Variants in LDAH observed in about 807,000 individuals in gnomAD.
LDAH encodes lipid droplet associated hydrolase, also known as lipid droplet-associated hydrolase.
LDAH carries 26 observed loss-of-function variants against 29.6 expected under a neutral mutation model. The observed-to-expected ratio is 0.88, with a 90% CI of 0.64 to 1.22. LDAH has a LOEUF of 1.22. LDAH is among the 50% of genes most tolerant of loss of function. The pLI is 0.00. For missense variants in LDAH, 344 were observed against 387.3 expected (o/e 0.89, Z 0.94); for synonymous variants, 117 against 133.0 (o/e 0.88, Z 0.83).
intron 4 of LDAH, among the ~76,000 whole-genome samples, chr2:20,753,759 C>G (rs1298090574): frequency 6.6e-6 from 1 of 152,190 alleles, no homozygotes; most frequent in Non-Finnish European, 1.5e-5. Flanking sequence ...CCCTAGATAG[C>G]CATGTGGCTA....
intron 5 of LDAH, among the ~76,000 whole-genome samples, chr2:20,730,294 T>C (rs534546338): frequency 1.3e-5 from 2 of 152,198 alleles, no homozygotes; most frequent in Non-Finnish European, 2.9e-5. Context: ...GGTTTTTCTC[T>C]GAACACCAGT....
intron 4 of LDAH, among the ~76,000 whole-genome samples, chr2:20,755,456 A>T (rs1320417759): frequency 6.6e-6 from 1 of 152,142 alleles, no homozygotes; most frequent in African/African-American, 2.4e-5. Flanking sequence ...TCCTTAGTAA[A>T]CTGTAAATTC....
At chr2:20,693,507 G>A (rs763228238) in intron 6 of LDAH, among the ~76,000 whole-genome samples, 12 of 152,218 alleles carry the variant, frequency 7.9e-5, no homozygotes, top group Non-Finnish European at 1.3e-4. Context: ...AAGACAGGTG[G>A]GGTAGAAGAT....
In LDAH at chr2:20,685,899, A is replaced by T. The variant is rs1662526440; in HGVS notation, c.*1004T>A. ...GCAAATGAAGTTAATGCAGAAATGG[A>T]GAGTTAATGTATGGCAATGTTTTAC... On this transcript the variant is annotated 3_prime_UTR_variant, in exon 7 of 7. Transcript: ENST00000237822. 4 of 427,506 alleles carry T rather than the reference A, an allele frequency of 9.4e-6. No homozygotes were observed. Among genetic ancestry groups the T allele is most frequent in the Non-Finnish European group, 1.6e-5 (4 of 244,422 alleles). 26.5% of individuals were successfully genotyped at this position (427,506 alleles called of 1,614,324 possible).
At chr2:20,782,717 C>G (rs573510981) in intron 3 of LDAH, among the ~76,000 whole-genome samples, 2 of 152,100 alleles carry the variant, frequency 1.3e-5, no homozygotes, top group African/African-American at 2.4e-5. Flanking sequence ...CTTTCTCCCC[C>G]CTTGGTTAGC....
intron 1 of LDAH, among the ~76,000 whole-genome samples, chr2:20,808,228 G>C (rs1672212788): frequency 6.6e-6 from 1 of 152,194 alleles, no homozygotes; most frequent in Non-Finnish European, 1.5e-5. Flanking sequence ...TGAACTGGAA[G>C]TCTCACTAGT....
chr2:20,708,344 A>G (rs759409245), intron 5 of LDAH, among the ~76,000 whole-genome samples: 7 of 152,244 alleles, frequency 4.6e-5, no homozygotes, highest in Non-Finnish European at 1.0e-4. Context: ...GTACCAACTA[A>G]CAGCCTAGAA....
intron 1 of LDAH, among the ~76,000 whole-genome samples, chr2:20,804,961 G>A (rs1435577481): frequency 6.6e-6 from 1 of 152,082 alleles, no homozygotes; most frequent in Admixed American, 6.5e-5. Context: ...GTATATTTAT[G>A]TAAGTTCTGA....
chr2:20,783,935 A>T (rs1670376034), intron 3 of LDAH, among the ~76,000 whole-genome samples: 1 of 151,916 alleles, frequency 6.6e-6, no homozygotes, highest in Non-Finnish European at 1.5e-5. Flanking sequence ...CTGGTCTCAA[A>T]CTCCTAGGCT....
chr2:20,694,634 G>A (rs1054807992), intron 6 of LDAH, among the ~76,000 whole-genome samples: 6 of 152,224 alleles, frequency 3.9e-5, no homozygotes, highest in Non-Finnish European at 8.8e-5. Flanking sequence ...AAGTGGCTGA[G>A]GATGGAGGTG....
At chr2:20,814,027 T>C (rs1201904633) in intron 1 of LDAH, among the ~76,000 whole-genome samples, 1 of 152,212 alleles carries the variant, frequency 6.6e-6, no homozygotes, top group African/African-American at 2.4e-5. Flanking sequence ...TAGTCTCTAC[T>C]TCTAAACCTT....
At chr2:20,694,274 T>C (rs1043860478) in intron 6 of LDAH, among the ~76,000 whole-genome samples, 4 of 152,226 alleles carry the variant, frequency 2.6e-5, no homozygotes, top group African/African-American at 7.2e-5. Context: ...CCAGACAGTC[T>C]GGATGACAGC....
At chr2:20,737,976 G>A (rs540199717) in intron 5 of LDAH, among the ~76,000 whole-genome samples, 9 of 152,132 alleles carry the variant, frequency 5.9e-5, no homozygotes, top group Admixed American at 1.3e-4. Flanking sequence ...TTCTTGGGCC[G>A]GACATGGTGG....
At chr2:20,695,128 T>C (rs1322751108) in intron 6 of LDAH, among the ~76,000 whole-genome samples, 1 of 152,258 alleles carries the variant, frequency 6.6e-6, no homozygotes, top group Non-Finnish European at 1.5e-5. Context: ...ACTAGAATAA[T>C]GGGCCCAAGC....
chr2:20,701,390 T>C (rs1479045041), intron 6 of LDAH, among the ~76,000 whole-genome samples, 180 bp downstream of exon 6: 1 of 152,188 alleles, frequency 6.6e-6, no homozygotes, highest in Non-Finnish European at 1.5e-5. Context: ...TATTATGCAA[T>C]TAGCTTTACT....
chr2:20,817,229 T>A (rs971598674), intron 1 of LDAH, among the ~76,000 whole-genome samples: 2 of 151,602 alleles, frequency 1.3e-5, no homozygotes, highest in Non-Finnish European at 2.9e-5. Flanking sequence ...AATATAAAAA[T>A]AGACAAAGAT....
At chr2:20,693,315 C>T (rs1663173869) in intron 6 of LDAH, among the ~76,000 whole-genome samples, 1 of 152,250 alleles carries the variant, frequency 6.6e-6, no homozygotes, top group African/African-American at 2.4e-5. Context: ...AAAGAATCCA[C>T]ATGACCTTAC....
intron 1 of LDAH, among the ~76,000 whole-genome samples, chr2:20,814,141 C>T (rs986510431): frequency 4.0e-5 from 6 of 150,732 alleles, no homozygotes; most frequent in Admixed American, 2.7e-4. Context: ...ACTAAATTAA[C>T]ATATATTATT....
intron 4 of LDAH, among the ~76,000 whole-genome samples, chr2:20,759,135 C>T (rs1468300152): frequency 6.6e-6 from 1 of 152,064 alleles, no homozygotes; most frequent in Admixed American, 6.6e-5. Context: ...GCAGAAGCTC[C>T]CATAACAGTA....
Sources: gnomAD v4.1 joint callset for allele counts (sites outside exome capture counted in the v4.1 genomes callset) on GRCh38, gnomAD v4.1.1 for gene constraint, MANE v1.5 for transcripts, NCBI Gene and HGNC (gene_info 2026-07-23, HGNC 2026-07-21) for gene names.